The following FRMD4A variants were observed in gnomAD, a reference collection of about 807,000 sequenced individuals.
FRMD4A encodes the protein FERM domain containing 4A.
A neutral mutation model predicts 129.1 loss-of-function variants in FRMD4A; 29 were observed. That is an observed-to-expected ratio of 0.22 (90% CI 0.17 to 0.31). The LOEUF (loss-of-function observed/expected upper bound fraction) is 0.31. Among genes scored for constraint, FRMD4A ranks in the 10% least tolerant of loss-of-function variants. FRMD4A has a pLI of 1.00. For missense variants in FRMD4A, 1,272 were observed against 1,375.8 expected (o/e 0.92, Z 1.19); for synonymous variants, 634 against 571.6 (o/e 1.11, Z -1.56).
chr10:13,970,112 T>C (rs941047712), intron 2 of FRMD4A, among the ~76,000 whole-genome samples: 7 of 152,214 alleles, frequency 4.6e-5, no homozygotes, highest in African/African-American at 1.7e-4. Flanking sequence ...CAGCTTGTCA[T>C]GGGAAATCTT....
chr10:13,952,173 T>C (rs2095376528), intron 2 of FRMD4A, among the ~76,000 whole-genome samples: 1 of 151,422 alleles, frequency 6.6e-6, no homozygotes, highest in South Asian at 2.1e-4. Flanking sequence ...AAGTAATATA[T>C]GCTTTTTATT....
At chr10:14,052,367 T>C (rs1834301197) in intron 2 of FRMD4A, among the ~76,000 whole-genome samples, 3 of 152,220 alleles carry the variant, frequency 2.0e-5, no homozygotes, top group Non-Finnish European at 2.9e-5. Flanking sequence ...AAGGAGTACC[T>C]GAAGCTGGGT....
chr10:13,668,352 C>A (rs2083230618), intron 17 of FRMD4A: 1 of 152,216 alleles, frequency 6.6e-6, no homozygotes, highest in South Asian at 2.1e-4. Context: ...ATGGCCCTGG[C>A]ACCAGACACT....
chr10:14,224,137 C>T (rs944611048), intron 2 of FRMD4A, among the ~76,000 whole-genome samples: 1 of 152,160 alleles, frequency 6.6e-6, no homozygotes, highest in African/African-American at 2.4e-5. Flanking sequence ...GCTCCTCTTT[C>T]AAATCCGTGC....
intron 3 of FRMD4A, among the ~76,000 whole-genome samples, chr10:13,838,252 A>G (rs979279503): frequency 7.9e-6 from 1 of 126,002 alleles, no homozygotes; most frequent in Non-Finnish European, 1.7e-5. Context: ...TGCAGAGCTA[A>G]TTTTTTTTTT....
At chr10:13,968,023 CG>C (rs1380878706) in intron 2 of FRMD4A, among the ~76,000 whole-genome samples, 1 of 152,154 alleles carries the variant, frequency 6.6e-6, no homozygotes, top group Non-Finnish European at 1.5e-5. Flanking sequence ...TCAGCGGGGG[CG>C]CTTAAGACAT....
chr10:13,921,423 G>A (rs1200103703), intron 2 of FRMD4A, among the ~76,000 whole-genome samples: 1 of 151,978 alleles, frequency 6.6e-6, no homozygotes, highest in African/African-American at 2.4e-5. Context: ...CACCATGCTT[G>A]GCTAATTTTT....
chr10:14,286,321 T>C (rs559020628), intron 2 of FRMD4A, among the ~76,000 whole-genome samples: 1 of 152,314 alleles, frequency 6.6e-6, no homozygotes, highest in East Asian at 1.9e-4. Context: ...GACTGTCTCT[T>C]GAATGGAAGC....
intron 5 of FRMD4A, among the ~76,000 whole-genome samples, chr10:13,785,974 G>A (rs528677726): frequency 6.6e-6 from 1 of 152,208 alleles, no homozygotes; most frequent in East Asian, 1.9e-4. Context: ...TGGCCGCATA[G>A]TATTCCATGG....
chr10:13,790,549 A>G (rs74121685), intron 5 of FRMD4A, among the ~76,000 whole-genome samples: 16,232 of 152,192 alleles, frequency 0.11, 1,712 homozygotes, highest in African/African-American at 0.27. Context: ...CAGAGGGGAC[A>G]AAGAGGAGGT....
intron 2 of FRMD4A, among the ~76,000 whole-genome samples, chr10:14,223,808 A>ATCT (rs1843345546): frequency 6.6e-6 from 1 of 151,010 alleles, no homozygotes; most frequent in Non-Finnish European, 1.5e-5. Context: ...CAAATGCAAC[A>ATCT]TATGGCTAAA....
At chr10:14,045,496 T>A (rs1482882084) in intron 2 of FRMD4A, among the ~76,000 whole-genome samples, 1 of 151,992 alleles carries the variant, frequency 6.6e-6, no homozygotes, top group Non-Finnish European at 1.5e-5. Context: ...TTTAAACACA[T>A]TTATTATAAA....
chr10:13,760,886 A>G (rs1483751285), intron 8 of FRMD4A, among the ~76,000 whole-genome samples: 1 of 127,032 alleles, frequency 7.9e-6, no homozygotes, highest in Non-Finnish European at 1.6e-5. Flanking sequence ...TTTTTTTTTC[A>G]GAGGAGCTTG....
chr10:14,081,837 T>C (rs753178766), intron 2 of FRMD4A, among the ~76,000 whole-genome samples: 19 of 152,226 alleles, frequency 1.2e-4, no homozygotes, highest in Non-Finnish European at 2.5e-4. Context: ...ATGCAGGTCA[T>C]TGACTCCAAA....
At chr10:13,929,961 G>A (rs1236996042) in intron 2 of FRMD4A, among the ~76,000 whole-genome samples, 1 of 152,012 alleles carries the variant, frequency 6.6e-6, no homozygotes, top group Non-Finnish European at 1.5e-5. Context: ...CAAAGAGCCA[G>A]GTACATAATA....
chr10:14,165,840 C>T (rs1003542576), intron 2 of FRMD4A, among the ~76,000 whole-genome samples: 30 of 152,098 alleles, frequency 2.0e-4, no homozygotes, highest in African/African-American at 6.5e-4. Context: ...ACAGTAGACA[C>T]TGGGGACTCC....
rs146840630 is a variant in FRMD4A, at chr10:13,960,922, A to T, written c.46-102010T>A. 3.6e-3 allele frequency among the ~76,000 whole-genome samples: 552 copies of T among 152,286 alleles called. 8 individuals carry two copies. Among genetic ancestry groups the T allele is most frequent in the South Asian group, 0.012 (56 of 4,812 alleles). ...CAGAGTCACAAGATGACATCGAATGATCCTATGGAAGGCTGTGTACCTACC... is the reference window on the plus strand; with the variant it reads ...CAGAGTCACAAGATGACATCGAATGTTCCTATGGAAGGCTGTGTACCTACC... On this transcript the variant is annotated intron_variant, in intron 2 of 24. Transcript: ENST00000357447.
At chr10:13,809,572 C>T (rs1163240887) in intron 4 of FRMD4A, among the ~76,000 whole-genome samples, 6 of 152,242 alleles carry the variant, frequency 3.9e-5, no homozygotes, top group Admixed American at 6.5e-5. Flanking sequence ...CCTTTCCCAG[C>T]TGGGCTTACT....
rs572606676 is a variant in FRMD4A, at chr10:14,220,085, C to A, written c.45+109973G>T. On this transcript the variant is annotated intron_variant, in intron 2 of 24. Coordinates refer to ENST00000357447, the MANE Select transcript of FRMD4A (RefSeq NM_018027.5). ...CCATGTGGTCCTGACAATCCCGGGT[C>A]TGGGTTGTCCTCTGCTGTCATCCCA... Among the ~76,000 whole-genome samples, 3 of 152,270 alleles carry A rather than the reference C, an allele frequency of 2.0e-5. No individual in the cohort carries two copies. In the East Asian group the frequency reaches 5.8e-4, roughly 29 times the overall value.
Sources: allele counts gnomAD v4.1 joint callset (sites outside exome capture counted in the v4.1 genomes callset), GRCh38; gene constraint gnomAD v4.1.1; transcripts MANE v1.5; gene names NCBI Gene and HGNC (gene_info 2026-07-23, HGNC 2026-07-21).